SRGAP3: variants seen among roughly 807,000 people sequenced by gnomAD.
SRGAP3 encodes the protein SLIT-ROBO Rho GTPase activating protein 3.
A neutral mutation model predicts 121.1 loss-of-function variants in SRGAP3; 39 were observed. The ratio of observed to expected loss-of-function variants is 0.32; its 90% CI spans 0.25 to 0.42. The LOEUF (loss-of-function observed/expected upper bound fraction) is 0.42. Among genes scored for constraint, SRGAP3 ranks in the 10% least tolerant of loss-of-function variants. SRGAP3 has a pLI of 1.00. For synonymous variants in SRGAP3, 601 were observed against 570.0 expected (o/e 1.05, Z -0.77); for missense variants, 1,213 against 1,470.6 (o/e 0.82, Z 2.86).
At chr3:9,071,918 C>T (rs150722909) in intron 4 of SRGAP3, among the ~76,000 whole-genome samples, 17 of 152,192 alleles carry the variant, frequency 1.1e-4, no homozygotes, top group East Asian at 9.6e-4. Flanking sequence ...ACAGAGTACA[C>T]GCCGTACTGG....
intron 3 of SRGAP3, among the ~76,000 whole-genome samples, chr3:9,083,814 C>T (rs1452406016): frequency 6.6e-6 from 1 of 152,132 alleles, no homozygotes; most frequent in African/African-American, 2.4e-5. Context: ...GGCTCCCTCA[C>T]ACGCTCCTGA....
At chr3:9,110,504 C>T (rs1418041120) in intron 2 of SRGAP3, among the ~76,000 whole-genome samples, 1 of 152,250 alleles carries the variant, frequency 6.6e-6, no homozygotes, top group Non-Finnish European at 1.5e-5. Flanking sequence ...GGAAGCATGG[C>T]AAGGCTGTGG....
intron 3 of SRGAP3, among the ~76,000 whole-genome samples, chr3:9,265,658 A>T (rs1954344896): frequency 6.6e-6 from 1 of 152,236 alleles, no homozygotes; most frequent in Non-Finnish European, 1.5e-5. Flanking sequence ...AATGCAAATC[A>T]AAACCACAAT....
intron 14 of SRGAP3, 81 bp from the exon 15 acceptor site, chr3:9,015,812 G>A (rs1049291985): frequency 1.3e-6 from 2 of 1,568,262 alleles, no homozygotes; most frequent in Middle Eastern, 1.7e-4. Flanking sequence ...GAGATGACCT[G>A]GTCCAGCCTG....
chr3:9,021,665 A>G (rs1943928636), intron 14 of SRGAP3, among the ~76,000 whole-genome samples: 2 of 152,270 alleles, frequency 1.3e-5, no homozygotes, highest in Non-Finnish European at 2.9e-5. Context: ...AGCCTTAAGC[A>G]AGGAACTCTG....
chr3:9,055,748 C>T (rs1452482771), intron 8 of SRGAP3, among the ~76,000 whole-genome samples: 1 of 152,202 alleles, frequency 6.6e-6, no homozygotes, highest in Non-Finnish European at 1.5e-5. Context: ...GCACCTATCA[C>T]CCCACAACCC....
At chr3:9,304,627 C>CTGT (rs1330278339) in intron 3 of SRGAP3, among the ~76,000 whole-genome samples, 9 of 152,170 alleles carry the variant, frequency 5.9e-5, no homozygotes, top group African/African-American at 2.2e-4. Flanking sequence ...GTGGCCGGTG[C>CTGT]TGTTGTCAGT....
chr3:9,350,856 C>T (rs1203023843), intron 1 of SRGAP3, among the ~76,000 whole-genome samples: 1 of 152,158 alleles, frequency 6.6e-6, no homozygotes, highest in Non-Finnish European at 1.5e-5. Flanking sequence ...TAACTGAGAA[C>T]TTATTATTTG....
intron 3 of SRGAP3, among the ~76,000 whole-genome samples, chr3:9,086,717 T>C (rs1947500039): frequency 6.8e-6 from 1 of 146,158 alleles, no homozygotes; most frequent in Non-Finnish European, 1.5e-5. Flanking sequence ...CATCTACACA[T>C]ATACATATAA....
At chr3:9,153,083 T>C (rs2125059294) in intron 1 of SRGAP3, among the ~76,000 whole-genome samples, 1 of 152,282 alleles carries the variant, frequency 6.6e-6, no homozygotes, top group East Asian at 1.9e-4. Context: ...GAACCCCACC[T>C]GTGACAGCTG....
chr3:9,104,827 G>A lies in SRGAP3; in HGVS notation c.276C>T (p.Leu92=). The A allele has an allele frequency of 6.2e-7, 1 of 1,614,240 alleles. No individual in the cohort carries two copies. The highest frequency in any genetic ancestry group is 1.3e-5 in the African/African-American group (1 of 75,076). Reference sequence around the variant, plus strand: ...GATACCAACAGTTCACAGGCGAGAGGAGGTACTGGTCCTTCCTGTGGAAAC... The same window carrying A: ...GATACCAACAGTTCACAGGCGAGAGAAGGTACTGGTCCTTCCTGTGGAAAC... ...REHQFKKDQY[L]LSPVNCWYLV... The change falls in exon 3 of 22, where the codon CTC becomes CTT. Residue 92 remains leucine, a synonymous_variant. Transcript: ENST00000383836.
At chr3:9,347,149 C>T (rs1955905940) in intron 1 of SRGAP3, among the ~76,000 whole-genome samples, 1 of 152,034 alleles carries the variant, frequency 6.6e-6, no homozygotes, top group Non-Finnish European at 1.5e-5. Flanking sequence ...TCACTCCCCT[C>T]CCAACTCTGT....
intron 1 of SRGAP3, among the ~76,000 whole-genome samples, chr3:9,136,400 C>CA (rs1949658154): frequency 1.5e-5 from 1 of 67,124 alleles, no homozygotes. Flanking sequence ...TGGGACCCCC[C>CA]CCCCCCCCGA....
At chr3:9,290,181 C>T (rs1954847968) in intron 3 of SRGAP3, among the ~76,000 whole-genome samples, 1 of 152,140 alleles carries the variant, frequency 6.6e-6, no homozygotes, top group Non-Finnish European at 1.5e-5. Flanking sequence ...TGGGGCCCTG[C>T]TTACCTTTCT....
At chr3:9,060,734 C>T (rs574470297) in intron 5 of SRGAP3, among the ~76,000 whole-genome samples, 81 of 119,386 alleles carry the variant, frequency 6.8e-4, no homozygotes, top group African/African-American at 2.4e-3. Context: ...CCACCATGCC[C>T]GGCCCAGTGG....
At chr3:9,086,693 CAT>C (rs1947498182) in intron 3 of SRGAP3, among the ~76,000 whole-genome samples, 1 of 79,294 alleles carries the variant, frequency 1.3e-5, no homozygotes, top group South Asian at 4.3e-4. Context: ...TATATGTATA[CAT>C]ATATACACAC....
rs374417927 is a variant in SRGAP3, at chr3:9,056,218, G to C, written c.1125+15C>G. On this transcript the variant is annotated intron_variant, in intron 8 of 21. Transcript: ENST00000383836. Reference sequence around the variant, plus strand: ...TCCAAAGAAAATCCCTTATAGGGCAGAGGGGCTCACTCACCTCCTCATTCT... The same window carrying C: ...TCCAAAGAAAATCCCTTATAGGGCACAGGGGCTCACTCACCTCCTCATTCT... 1.9e-5 allele frequency: 31 copies of C among 1,613,512 alleles called. No individual in the cohort carries two copies. The African/African-American group carries it at 3.5e-4, about 18-fold the overall frequency.
intron 14 of SRGAP3, among the ~76,000 whole-genome samples, chr3:9,021,152 G>A (rs73142183): frequency 0.046 from 6,962 of 152,296 alleles, 374 homozygotes; most frequent in African/African-American, 0.13. Context: ...CAGGACACAG[G>A]TCTCAGAAGG....
At chr3:9,299,051 C>CAAAAAAAAAAA (rs71049787) in intron 3 of SRGAP3, among the ~76,000 whole-genome samples, 1 of 70,398 alleles carries the variant, frequency 1.4e-5, no homozygotes. Flanking sequence ...GACTCCATCT[C>CAAAAAAAAAAA]AAAAAAAAAA....
Sources: allele counts gnomAD v4.1 joint callset (sites outside exome capture counted in the v4.1 genomes callset), GRCh38; gene constraint gnomAD v4.1.1; transcripts MANE v1.5; gene names NCBI Gene and HGNC (gene_info 2026-07-23, HGNC 2026-07-21).